LRRC4C: variants seen among roughly 807,000 people sequenced by gnomAD.
LRRC4C encodes leucine rich repeat containing 4C.
LRRC4C carries 5 observed loss-of-function variants against 33.6 expected under a neutral mutation model. The ratio of observed to expected loss-of-function variants is 0.15; its 90% confidence interval spans 0.08 to 0.31. The LOEUF is 0.31. Ranked by LOEUF, LRRC4C falls within the 10% of genes least tolerant of loss-of-function variation. The pLI is 1.00. For missense variants in LRRC4C, 560 were observed against 796.7 expected (o/e 0.70, Z 3.58); for synonymous variants, 329 against 302.0 (o/e 1.09, Z -0.93).
At chr11:41,136,226 G>T (rs762262647) in intron 1 of LRRC4C, among the ~76,000 whole-genome samples, 1 of 152,144 alleles carries the variant, frequency 6.6e-6, no homozygotes, top group Non-Finnish European at 1.5e-5. Context: ...TGGTTTTCTG[G>T]CTTCTGTGGC....
intron 5 of LRRC4C, among the ~76,000 whole-genome samples, chr11:40,222,442 T>A (rs994689818): frequency 2.6e-5 from 4 of 152,198 alleles, no homozygotes; most frequent in Non-Finnish European, 4.4e-5. Context: ...ACAGAAATAA[T>A]TCCTTGTGGA....
intron 3 of LRRC4C, among the ~76,000 whole-genome samples, chr11:40,453,193 G>A (rs2138102101): frequency 6.6e-6 from 1 of 151,792 alleles, no homozygotes; most frequent in Non-Finnish European, 1.5e-5. Flanking sequence ...AAAAAATGTT[G>A]ATTGGAATCT....
At chr11:40,949,349 C>T (rs985955949) in intron 1 of LRRC4C, among the ~76,000 whole-genome samples, 20 of 152,048 alleles carry the variant, frequency 1.3e-4, no homozygotes, top group African/African-American at 4.8e-4. Flanking sequence ...GTTTCTTTTG[C>T]TGTGCAGAAG....
chr11:40,794,142 T>C (rs1409782318), intron 2 of LRRC4C, among the ~76,000 whole-genome samples: 3 of 152,072 alleles, frequency 2.0e-5, no homozygotes, highest in South Asian at 2.1e-4. Flanking sequence ...TCTTGGAATA[T>C]CCTTTTTCAA....
chr11:40,687,270 A>C (rs1305287547), intron 2 of LRRC4C, among the ~76,000 whole-genome samples: 4 of 152,122 alleles, frequency 2.6e-5, no homozygotes, highest in African/African-American at 9.7e-5. Flanking sequence ...ATGCCATGTT[A>C]CCTTCCCAAA....
intron 1 of LRRC4C, among the ~76,000 whole-genome samples, chr11:41,057,355 C>T (rs1477611675): frequency 6.6e-6 from 1 of 152,224 alleles, no homozygotes. Context: ...GGAAGCTGAG[C>T]AGGGGCTGAG....
chr11:40,770,253 C>A (rs904259373), intron 2 of LRRC4C, among the ~76,000 whole-genome samples: 1 of 152,108 alleles, frequency 6.6e-6, no homozygotes, highest in Non-Finnish European at 1.5e-5. Flanking sequence ...CAAACACATG[C>A]TTTTTCATAT....
At chr11:40,984,970 C>T (rs1003986638) in intron 1 of LRRC4C, among the ~76,000 whole-genome samples, 1 of 125,010 alleles carries the variant, frequency 8.0e-6, no homozygotes. Context: ...GGTGCGATCT[C>T]GGCTCACTGC....
At chr11:40,673,284 G>A (rs898930346) in intron 2 of LRRC4C, among the ~76,000 whole-genome samples, 1 of 152,088 alleles carries the variant, frequency 6.6e-6, no homozygotes, top group Admixed American at 6.6e-5. Flanking sequence ...ATTACCTGCT[G>A]CTTTTTGCTT....
At chr11:41,404,651 T>C (rs1162497142) in intron 1 of LRRC4C, among the ~76,000 whole-genome samples, 2 of 151,790 alleles carry the variant, frequency 1.3e-5, no homozygotes, top group African/African-American at 4.8e-5. Flanking sequence ...GTGACAAGGG[T>C]ATAGTTTTGA....
chr11:41,209,180 T>G (rs1006807337), intron 1 of LRRC4C, among the ~76,000 whole-genome samples: 8 of 151,216 alleles, frequency 5.3e-5, no homozygotes, highest in Non-Finnish European at 8.8e-5. Flanking sequence ...AACCTGCACA[T>G]GTATCCCTGA....
intron 3 of LRRC4C, among the ~76,000 whole-genome samples, chr11:40,612,566 C>A (rs559179449): frequency 1.3e-5 from 2 of 151,820 alleles, no homozygotes; most frequent in Non-Finnish European, 2.9e-5. Context: ...TCAAAAAGAA[C>A]ATTAATTGAA....
intron 2 of LRRC4C, among the ~76,000 whole-genome samples, chr11:40,697,348 G>A (rs1945618149): frequency 6.6e-6 from 1 of 152,092 alleles, no homozygotes. Context: ...GCGCAAGGAG[G>A]CTGAAAGGAC....
intron 3 of LRRC4C, among the ~76,000 whole-genome samples, chr11:40,371,502 G>T (rs1036522678): frequency 1.3e-5 from 2 of 152,166 alleles, no homozygotes; most frequent in African/African-American, 4.8e-5. Context: ...TTTCTAATCA[G>T]AGTGTAAATG....
At chr11:40,676,418 G>A (rs184746380) in intron 2 of LRRC4C, among the ~76,000 whole-genome samples, 11 of 152,244 alleles carry the variant, frequency 7.2e-5, no homozygotes, top group Admixed American at 2.6e-4. Flanking sequence ...AATTCCCTCC[G>A]TAGACATTTT....
chr11:40,418,054 C>T (rs1230642475), intron 3 of LRRC4C, among the ~76,000 whole-genome samples: 1 of 152,138 alleles, frequency 6.6e-6, no homozygotes, highest in African/African-American at 2.4e-5. Context: ...TGTAAACTTC[C>T]TACACAAAAC....
intron 3 of LRRC4C, among the ~76,000 whole-genome samples, chr11:40,468,883 A>C (rs1311320873): frequency 5.9e-5 from 9 of 152,212 alleles, no homozygotes; most frequent in African/African-American, 2.2e-4. Flanking sequence ...CTAATAACTT[A>C]AGATTAGACT....
chr11:40,981,644 A>G (rs1253792579), intron 1 of LRRC4C, among the ~76,000 whole-genome samples: 1 of 152,172 alleles, frequency 6.6e-6, no homozygotes, highest in Non-Finnish European at 1.5e-5. Context: ...CTTTTAAAAT[A>G]CCATCATTTA....
chr11:40,945,726 G>A (rs1184347915), intron 1 of LRRC4C, among the ~76,000 whole-genome samples: 1 of 152,140 alleles, frequency 6.6e-6, no homozygotes, highest in Admixed American at 6.6e-5. Context: ...CAACCATGGG[G>A]AAAGGAGTTT....
Sources: gnomAD v4.1 joint callset for allele counts (sites outside exome capture counted in the v4.1 genomes callset) on GRCh38, gnomAD v4.1.1 for gene constraint, MANE v1.5 for transcripts, NCBI Gene and HGNC (gene_info 2026-07-23, HGNC 2026-07-21) for gene names.